The following TSSC4 variants were observed in gnomAD, a reference collection of about 807,000 sequenced individuals.
TSSC4 encodes U5 small nuclear ribonucleoprotein TSSC4.
For missense variants in TSSC4, 500 were observed against 443.9 expected (o/e 1.13, Z -1.14); for synonymous variants, 259 against 197.9 (o/e 1.31, Z -2.59).
chr11:2,401,293 G>A (rs1480734553), intron 1 of TSSC4: 1 of 152,266 alleles, frequency 6.6e-6, no homozygotes, highest in African/African-American at 2.4e-5. Context: ...CAGAGGACGG[G>A]AGTGCGAATC....
Position 2,402,968 on chromosome 11 carries a change from C to T in TSSC4, c.335C>T (p.Ala112Val), listed in dbSNP as rs767362971. ...GCCAGACGGGCTCCATCCTCTGTGG[C>T]CCACACCAGCATGAGTGACAACGGA... The part of the protein sequence containing the change: ...GAARRAPSSV[A>V]HTSMSDNGGF... The change falls in exon 3 of 3, where the codon GCC becomes GTC. Residue 112 changes from alanine (A) to valine (V), a missense_variant. Coordinates refer to ENST00000333256, the MANE Select transcript of TSSC4 (RefSeq NM_005706.4). 3 of 1,609,922 alleles carry T rather than the reference C, an allele frequency of 1.9e-6. No individual in the cohort carries two copies. The highest frequency in any genetic ancestry group is 2.2e-5 in the East Asian group (1 of 44,824).
Position 2,403,147 on chromosome 11 carries a change from G to A in TSSC4, c.514G>A (p.Glu172Lys), listed in dbSNP as rs150909011. The A allele has an allele frequency of 9.0e-5, 145 of 1,612,192 alleles. No homozygotes were observed. The highest frequency in any genetic ancestry group is 4.8e-4 in the African/African-American group (36 of 75,060). ...CAAGTACAGCCTGGAAGATGTGACC[G>A]AGGTCAGCGAGCAGAGCAATCAGGC... Reference protein sequence around the residue: ...WTKYSLEDVTEVSEQSNQATA... With the variant: ...WTKYSLEDVTKVSEQSNQATA... Residue 172 changes from glutamate (E) to lysine (K), a missense_variant, in exon 3 of 3, where the codon GAG becomes AAG. By Grantham distance (56) the Glu-to-Lys change is moderately conservative. Transcript: ENST00000333256.
Position 2,403,816 on chromosome 11 carries a change from G to T in TSSC4, c.*193G>T. ...ACCTTGCTGAAGCTCCTGGGGTGTG[G>T]GGTGTGGGCTGGAAGCACTGGCTCC... On this transcript the variant is annotated 3_prime_UTR_variant, in exon 3 of 3. Coordinates refer to ENST00000333256, the MANE Select transcript of TSSC4 (RefSeq NM_005706.4). The T allele has an allele frequency of 2.0e-6, 1 of 508,288 alleles. No homozygotes were observed. Among genetic ancestry groups the T allele is most frequent in the Non-Finnish European group, 3.3e-6 (1 of 299,184 alleles). The allele number at this position is 508,288 out of a possible 1,614,324, so 31.5% of individuals were successfully genotyped here.
In TSSC4 at chr11:2,402,827, C is replaced by T. The variant is rs769354699; in HGVS notation, c.194C>T (p.Pro65Leu). The change falls in exon 3 of 3, where the codon CCG becomes CTG. Residue 65 changes from proline to leucine, a missense_variant. By Grantham distance (98) the Pro-to-Leu change is moderately conservative. Transcript: ENST00000333256. ...GAGGAGGATTCAGGTCCTGATGAGC[C>T]GCCCTCACCCCCGTCAGGCCTCCTC... ...PGEEDSGPDE[P>L]PSPPSGLLPA... 15 of 1,596,572 alleles carry T rather than the reference C, an allele frequency of 9.4e-6. No homozygotes were observed. Among genetic ancestry groups the T allele is most frequent in the African/African-American group, 1.3e-5 (1 of 74,578 alleles).
intron 1 of TSSC4, chr11:2,401,037 T>C (rs1850129708): frequency 6.6e-6 from 1 of 152,158 alleles, no homozygotes; most frequent in African/African-American, 2.4e-5. Context: ...GTTTGTTCTC[T>C]GGCGGGGAGG....
chr11:2,402,477 C>G (rs376491179), intron 2 of TSSC4, 27 bp downstream of exon 2: 1 of 787,380 alleles, frequency 1.3e-6, no homozygotes, highest in Non-Finnish European at 2.0e-6. Flanking sequence ...GAGGGGGAGG[C>G]GGGACTCCAC....
Position 2,403,768 on chromosome 11 carries a change from G to C in TSSC4, c.*145G>C. The stretch of plus-strand genomic sequence containing the variant: ...CACCGGTGGCCCTGGCTGCAGTTCT[G>C]GGCAGCATCCTCCCAAGCAGAGACC... On this transcript the variant is annotated 3_prime_UTR_variant, in exon 3 of 3. Transcript: ENST00000333256. 1 of 826,034 alleles carries C rather than the reference G, an allele frequency of 1.2e-6. No homozygotes were observed. The allele number at this position is 826,034 out of a possible 1,614,324, so 51.2% of individuals were successfully genotyped here.
chr11:2,403,781 CCAAG>C lies in TSSC4; in HGVS notation c.*161_*164del. The C allele has an allele frequency of 1.5e-6, 1 of 689,546 alleles. No homozygotes were observed. 42.7% of individuals were successfully genotyped at this position (689,546 alleles called of 1,614,324 possible). ...GGCTGCAGTTCTGGGCAGCATCCTC[CCAAG>C]CAGAGACCTTGCTGAAGCTCCTGGG... On this transcript the variant is annotated 3_prime_UTR_variant, in exon 3 of 3. Transcript: ENST00000333256.
rs764071711 is a variant in TSSC4, at chr11:2,403,627, G to A, written c.*4G>A. The A allele has an allele frequency of 2.0e-6, 3 of 1,509,258 alleles. No homozygotes were observed. The African/African-American group carries it at 4.2e-5, about 21-fold the overall frequency. The allele number at this position is 1,509,258 out of a possible 1,614,324, so 93.5% of individuals were successfully genotyped here. On this transcript the variant is annotated 3_prime_UTR_variant, in exon 3 of 3. Transcript: ENST00000333256. ...GGACCCAGGTGCTGAGGTCTGAGAG[G>A]GAGATGGCCCAGCCTGACCCCACTG... is the stretch of plus-strand genomic sequence containing the variant.
chr11:2,403,138 G>C lies in TSSC4; in HGVS notation c.505G>C (p.Asp169His). ...GCGCTGGACCAAGTACAGCCTGGAAGATGTGACCGAGGTCAGCGAGCAGAG... is the reference window on the plus strand; with the variant it reads ...GCGCTGGACCAAGTACAGCCTGGAACATGTGACCGAGGTCAGCGAGCAGAG... Reference protein sequence around the residue: ...PERWTKYSLEDVTEVSEQSNQ... With the variant: ...PERWTKYSLEHVTEVSEQSNQ... Residue 169 changes from aspartate to histidine, a missense_variant, in exon 3 of 3, where the codon GAT (aspartate) becomes CAT (histidine). Coordinates refer to ENST00000333256, the MANE Select transcript of TSSC4 (RefSeq NM_005706.4). 1 of 1,612,386 alleles carries C rather than the reference G, an allele frequency of 6.2e-7. No individual in the cohort carries two copies. Among genetic ancestry groups the C allele is most frequent in the Middle Eastern group, 1.7e-4 (1 of 6,058 alleles).
In TSSC4 at chr11:2,403,805, C is replaced by T. The variant is rs2234286; in HGVS notation, c.*182C>T. The T allele has an allele frequency of 0.012, 6,504 of 553,854 alleles. 50 individuals are homozygous for T. The highest frequency in any genetic ancestry group is 0.015 in the Middle Eastern group (29 of 1,960). 34.3% of individuals were successfully genotyped at this position (553,854 alleles called of 1,614,324 possible). A position where few individuals can be genotyped will look rare whatever the true frequency, so the allele number is the denominator to read the frequency against. On this transcript the variant is annotated 3_prime_UTR_variant, in exon 3 of 3. Transcript: ENST00000333256. ...CCCAAGCAGAGACCTTGCTGAAGCT[C>T]CTGGGGTGTGGGGTGTGGGCTGGAA...
intron 1 of TSSC4, chr11:2,401,846 C>G (rs568760935): frequency 6.6e-6 from 1 of 152,198 alleles, no homozygotes. Context: ...CAGGGCTGCT[C>G]AAGGTGATGG....
chr11:2,402,856 G>A lies in TSSC4; in HGVS notation c.223G>A (p.Ala75Thr). Residue 75 changes from alanine (A) to threonine (T), a missense_variant, in exon 3 of 3, where the codon GCC becomes ACC. By Grantham distance (58) the Ala-to-Thr change is moderately conservative. Coordinates refer to ENST00000333256, the MANE Select transcript of TSSC4 (RefSeq NM_005706.4). Reference sequence around the variant, plus strand: ...CTCACCCCCGTCAGGCCTCCTCCCAGCCACGGTGCAGCCATTCCATCTGAG... The same window carrying A: ...CTCACCCCCGTCAGGCCTCCTCCCAACCACGGTGCAGCCATTCCATCTGAG... ...PPSPPSGLLPATVQPFHLRGM... is the reference protein window; with the variant it reads ...PPSPPSGLLPTTVQPFHLRGM... 6.2e-7 allele frequency: 1 copy of A among 1,609,466 alleles called. No homozygotes were observed. The highest frequency in any genetic ancestry group is 1.1e-5 in the South Asian group (1 of 90,254).
rs367765301 is a variant in TSSC4 at position 2,402,617 on chromosome 11, C to T, written c.-17C>T. On this transcript the variant is annotated 5_prime_UTR_variant, in exon 3 of 3. Transcript: ENST00000333256. ...CTGGGCTGTTTTGGTTTAGGTGTGG[C>T]GTGGCCCTGGGGACGCATGGCTGAG... 2.4e-5 allele frequency: 38 copies of T among 1,576,056 alleles called. No individual in the cohort carries two copies. The highest frequency in any genetic ancestry group is 8.1e-5 in the African/African-American group (6 of 74,428).
At chr11:2,400,839 C>G (rs1239279788) in intron 1 of TSSC4, 41 bp downstream of exon 1, 1 of 152,004 alleles carries the variant, frequency 6.6e-6, no homozygotes, top group African/African-American at 2.4e-5. Flanking sequence ...GCGGGCCGGC[C>G]GAGCCTCCGG....
Position 2,403,244 on chromosome 11 carries a change from A to G in TSSC4, c.611A>G (p.Asp204Gly), listed in dbSNP as rs777834417. Residue 204 changes from aspartate (D) to glycine (G), a missense_variant, in exon 3 of 3, where the codon GAT (aspartate) becomes GGT (glycine). Transcript: ENST00000333256. ...GACTGCGTGTCCTCCTTCAACCAGG[A>G]TCCCTCCAGCTGTGGGGAGGGGAGG... ...PTDCVSSFNQDPSSCGEGRVI... is the reference protein window; with the variant it reads ...PTDCVSSFNQGPSSCGEGRVI... The G allele has an allele frequency of 6.2e-6, 10 of 1,612,748 alleles. No homozygotes were observed. The highest frequency in any genetic ancestry group is 8.5e-6 in the Non-Finnish European group (10 of 1,179,940).
Position 2,402,346 on chromosome 11 carries a change from A to G in TSSC4, c.-128A>G. ...GGGCACTCCGAGGCCTGAGACGACC[A>G]CGCCTGTGCCGCTGAGGACCTTCAT... On this transcript the variant is annotated 5_prime_UTR_variant, in exon 2 of 3. Transcript: ENST00000333256. The G allele has an allele frequency of 2.2e-6, 1 of 447,360 alleles. No individual in the cohort carries two copies. The highest frequency in any genetic ancestry group is 2.0e-5 in the African/African-American group (1 of 50,334). 27.7% of individuals were successfully genotyped at this position (447,360 alleles called of 1,614,324 possible).
At position 2,403,246 on chromosome 11, in the gene TSSC4, C is replaced by T. The variant is rs751794314; in HGVS notation, c.613C>T (p.Pro205Ser). ...CTGCGTGTCCTCCTTCAACCAGGAT[C>T]CCTCCAGCTGTGGGGAGGGGAGGGT... ...TDCVSSFNQD[P>S]SSCGEGRVIF... Residue 205 changes from proline to serine, a missense_variant, in exon 3 of 3, where the codon CCC (proline) becomes TCC (serine). By Grantham distance (74) the Pro-to-Ser change is moderately conservative. Transcript: ENST00000333256. 5.7e-5 allele frequency: 92 copies of T among 1,612,852 alleles called. No homozygotes were observed. Among genetic ancestry groups the T allele is most frequent in the Middle Eastern group, 1.7e-4 (1 of 6,060 alleles).
Position 2,403,542 on chromosome 11 carries a change from C to A in TSSC4, c.909C>A (p.Gly303=). ...GTCTCCCGCCGGTGGAAACTGTTGG[C>A]TTCCATGGCAGCAGGAAGCGGAGTC... ...VPGLPPVETV[G]FHGSRKRSRD... The change falls in exon 3 of 3, where the codon GGC becomes GGA. Residue 303 remains glycine, a synonymous_variant. Coordinates refer to ENST00000333256, the MANE Select transcript of TSSC4 (RefSeq NM_005706.4). 1.3e-6 allele frequency: 2 copies of A among 1,589,140 alleles called. No individual in the cohort carries two copies. Among genetic ancestry groups the A allele is most frequent in the Admixed American group, 1.8e-5 (1 of 55,166 alleles).
Sources: gnomAD v4.1 joint callset for allele counts on GRCh38, gnomAD v4.1.1 for gene constraint, MANE v1.5 for transcripts, NCBI Gene and HGNC (gene_info 2026-07-23, HGNC 2026-07-21) for gene names.